CHERP: variants seen among roughly 807,000 people sequenced by gnomAD.
The protein encoded by CHERP is ERPROT 213-21.
Under a neutral mutation model 113.8 loss-of-function variants are expected in CHERP, and 8 were observed. That is an observed-to-expected ratio of 0.07 (90% confidence interval 0.04 to 0.13). The LOEUF is 0.13. Ranked by LOEUF, CHERP falls within the 10% of genes least tolerant of loss-of-function variation. The pLI is 1.00. For missense variants in CHERP, 884 were observed against 1,298.2 expected, an observed-to-expected ratio of 0.68 and a Z score of 4.90; for synonymous variants, 559 against 524.5, an observed-to-expected ratio of 1.07 and a Z score of -0.90.
intron 12 of CHERP, 89 bp from the exon 13 acceptor site, chr19:16,521,001 C>G: frequency 1.8e-6 from 2 of 1,136,850 alleles, no homozygotes; most frequent in South Asian, 2.5e-5. Flanking sequence ...TCCACAGAAC[C>G]TTGGAGAGTA....
At position 16,532,764 on chromosome 19, in the gene CHERP, C is replaced by A; in HGVS notation, c.523-15G>T. The A allele has an allele frequency of 6.2e-7, 1 of 1,600,858 alleles. No homozygotes were observed. Among genetic ancestry groups the A allele is most frequent in the Non-Finnish European group, 8.5e-7 (1 of 1,171,046 alleles). ...TTCTTCCCGGCCTGCAACAACCGAG[C>A]CAATGACGAGTGAGCAGGGCCGCGG... On this transcript the variant is annotated splice_polypyrimidine_tract_variant and intron_variant, in intron 4 of 16. Transcript: ENST00000546361. The surrounding 1 kb of genome is among the most constrained non-coding windows in gnomAD (Gnocchi z 4.4).
chr19:16,520,751 A>G lies in CHERP; in HGVS notation c.2201+75T>C. 7.1e-7 allele frequency: 1 copy of G among 1,408,614 alleles called. No homozygotes were observed. Among genetic ancestry groups the G allele is most frequent in the Non-Finnish European group, 1.0e-6 (1 of 998,356 alleles). The allele number at this position is 1,408,614 out of a possible 1,614,324, so 87.3% of individuals were successfully genotyped here. On this transcript the variant is annotated intron_variant, in intron 13 of 16. Coordinates refer to ENST00000546361, the MANE Select transcript of CHERP (RefSeq NM_006387.6). The surrounding 1 kb of genome is among the most constrained non-coding windows in gnomAD (Gnocchi z 4.0). ...GTGTGAGGGTGGACGTGATGAGTGTATCTGGGGTCTGCTCCCACCCATCAC... is the reference window on the plus strand; with the variant it reads ...GTGTGAGGGTGGACGTGATGAGTGTGTCTGGGGTCTGCTCCCACCCATCAC...
rs568752114 is a variant in CHERP, at chr19:16,530,407, G to A, written c.876+178C>T. On this transcript the variant is annotated intron_variant, in intron 7 of 16. Transcript: ENST00000546361. This position sits in a 1 kb window ranked among gnomAD's most constrained non-coding sequence, Gnocchi z 4.1. ...AGGAAAGTCAGGGAGACACACCTAA[G>A]GCCTGGGAAATGTCACCTGGGACTC... Among the ~76,000 whole-genome samples, 4 of 152,218 alleles carry A rather than the reference G, an allele frequency of 2.6e-5. No homozygotes were observed. Among genetic ancestry groups the A allele is most frequent in the Non-Finnish European group, 4.4e-5 (3 of 68,028 alleles).
Position 16,519,491 on chromosome 19 carries a change from T to C in CHERP, c.2557+130A>G. ...CCGCAGGCCGGCCCTGTCTAGAGGG[T>C]CTGGGTGGAGTCAGAACCGGCCTGA... On this transcript the variant is annotated intron_variant, in intron 16 of 16. Coordinates refer to ENST00000546361, the MANE Select transcript of CHERP (RefSeq NM_006387.6). This position sits in a 1 kb window ranked among gnomAD's most constrained non-coding sequence, Gnocchi z 6.0. The C allele has an allele frequency of 8.0e-7, 1 of 1,251,406 alleles. No homozygotes were observed. The allele number at this position is 1,251,406 out of a possible 1,614,324, so 77.5% of individuals were successfully genotyped here. A position where few individuals can be genotyped will look rare whatever the true frequency, so the allele number is the denominator to read the frequency against.
chr19:16,518,759 T>C lies in CHERP; in HGVS notation c.*400A>G. The C allele has an allele frequency of 4.5e-6, 1 of 222,416 alleles. No individual in the cohort carries two copies. Among genetic ancestry groups the C allele is most frequent in the Non-Finnish European group, 8.9e-6 (1 of 112,792 alleles). The allele number at this position is 222,416 out of a possible 1,614,324, so 13.8% of individuals were successfully genotyped here. A position where few individuals can be genotyped will look rare whatever the true frequency, so the allele number is the denominator to read the frequency against. ...TGGAGGAAGGAGCTGGGGTGCCGGCTCTGGCTCAGGCCAACCCTTCCTGCA... is the reference window on the plus strand; with the variant it reads ...TGGAGGAAGGAGCTGGGGTGCCGGCCCTGGCTCAGGCCAACCCTTCCTGCA... On this transcript the variant is annotated 3_prime_UTR_variant, in exon 17 of 17. Coordinates refer to ENST00000546361, the MANE Select transcript of CHERP (RefSeq NM_006387.6).
At position 16,533,602 on chromosome 19, in the gene CHERP, A is replaced by G. The variant is rs112665367; in HGVS notation, c.385-454T>C. 2.2e-3 allele frequency among the ~76,000 whole-genome samples: 335 copies of G among 152,084 alleles called. 1 individual carries two copies. Among genetic ancestry groups the G allele is most frequent in the African/African-American group, 7.9e-3 (328 of 41,462 alleles). ...CGAAACCTCATCTCTACAAAAAATAAAATACAAATTAGTTGAGCATGGTAG... is the reference window on the plus strand; with the variant it reads ...CGAAACCTCATCTCTACAAAAAATAGAATACAAATTAGTTGAGCATGGTAG... On this transcript the variant is annotated intron_variant, in intron 3 of 16. Transcript: ENST00000546361.
intron 9 of CHERP, among the ~76,000 whole-genome samples, chr19:16,527,844 A>G (rs1003277186): frequency 6.6e-6 from 1 of 152,208 alleles, no homozygotes; most frequent in Non-Finnish European, 1.5e-5. Context: ...GGTGATCTAT[A>G]CTACAGAGAA....
At chr19:16,542,243 C>T (rs950565061) in intron 1 of CHERP, 111 bp downstream of exon 1, 1 of 1,147,766 alleles carries the variant, frequency 8.7e-7, no homozygotes, top group Middle Eastern at 2.6e-4. Flanking sequence ...CAGGCGAAGC[C>T]GCGAGGCCGA....
chr19:16,531,839 G>A (rs2085707110), intron 5 of CHERP: 1 of 152,340 alleles, frequency 6.6e-6, no homozygotes. Context: ...GGGGCGAGAT[G>A]GGTGCTGGCA....
chr19:16,542,265 T>G, intron 1 of CHERP, 89 bp downstream of exon 1: 1 of 1,248,934 alleles, frequency 8.0e-7, no homozygotes, highest in East Asian at 3.1e-5. Context: ...CCCCGCCCCC[T>G]CCCAGACCCG....
intron 9 of CHERP, chr19:16,526,091 C>T (rs2122257601): frequency 5.2e-6 from 1 of 192,318 alleles, no homozygotes; most frequent in Middle Eastern, 2.0e-3. Flanking sequence ...GCGGGGCTCA[C>T]TCTGACACCC....
Position 16,518,508 on chromosome 19 carries a change from G to A in CHERP, c.*651C>T, listed in dbSNP as rs1273805993. The stretch of plus-strand genomic sequence containing the variant: ...CTGAACTAAGGGCCAGTACGCCTTC[G>A]AAGAATTAGGTTTCAGAATCTCACT... On this transcript the variant is annotated 3_prime_UTR_variant, in exon 17 of 17. Transcript: ENST00000546361. 1 of 152,198 alleles carries A rather than the reference G, an allele frequency of 6.6e-6. No individual in the cohort carries two copies. Among genetic ancestry groups the A allele is most frequent in the African/African-American group, 2.4e-5 (1 of 41,436 alleles). 9.4% of individuals were successfully genotyped at this position (152,198 alleles called of 1,614,324 possible).
Position 16,542,358 on chromosome 19 carries a change from G to A in CHERP, c.21C>T (p.Pro7=), listed in dbSNP as rs2085786498. 2 of 1,395,196 alleles carry A rather than the reference G, an allele frequency of 1.4e-6. No homozygotes were observed. The highest frequency in any genetic ancestry group is 1.9e-6 in the Non-Finnish European group (2 of 1,068,384). The allele number at this position is 1,395,196 out of a possible 1,614,324, so 86.4% of individuals were successfully genotyped here. MEMPLP[P]DDQELRNVID... ...CTCGGCCGGTTTGGGTCTCACCATC[G>A]GGGGGCAGCGGCATCTCCATGGCTC... Residue 7 remains proline, a synonymous_variant, in exon 1 of 17, where the codon CCC becomes CCT. Transcript: ENST00000546361.
At chr19:16,522,999 C>A in intron 11 of CHERP, 53 bp downstream of exon 11, 3 of 1,473,082 alleles carry the variant, frequency 2.0e-6, no homozygotes, top group Non-Finnish European at 2.7e-6. Flanking sequence ...CAAGGAGAAA[C>A]GGGGACCAGT....
In CHERP at chr19:16,535,442, G is replaced by A. The variant is rs369863699; in HGVS notation, c.384+10C>T. 1.4e-5 allele frequency: 23 copies of A among 1,605,760 alleles called. No individual in the cohort carries two copies. The highest frequency in any genetic ancestry group is 1.1e-4 in the South Asian group (10 of 89,768). ...GCTGGTGTCTGGCCGAGGAGGCGGC[G>A]GGCCCATACCTGTCTGAGCGCCAGC... On this transcript the variant is annotated intron_variant, in intron 3 of 16. Coordinates refer to ENST00000546361, the MANE Select transcript of CHERP (RefSeq NM_006387.6). This position sits in a 1 kb window ranked among gnomAD's most constrained non-coding sequence, Gnocchi z 4.3.
rs556581081 is a variant in CHERP at position 16,530,642 on chromosome 19, G to A, written c.819C>T (p.Phe273=). 4.3e-5 allele frequency: 70 copies of A among 1,614,062 alleles called. No individual in the cohort carries two copies. The East Asian group carries it at 7.4e-4, about 17-fold the overall frequency. The part of the protein sequence containing the change: ...LLQLWEKNGY[F]DDSIIQQLQS... ...GTAGCTGCTGAATGATGGAGTCATC[G>A]AAGTAGCCGTTTTTCTCCCAGAGCT... The change falls in exon 7 of 17, where the codon TTC becomes TTT. Residue 273 remains phenylalanine, a synonymous_variant. Coordinates refer to ENST00000546361, the MANE Select transcript of CHERP (RefSeq NM_006387.6). The surrounding 1 kb of genome is among the most constrained non-coding windows in gnomAD (Gnocchi z 4.1).
rs1462566557 is a variant in CHERP, at chr19:16,520,552, G to A, written c.2202-45C>T. ...GATCAGGTGCCCCAGTGGATGGGCT[G>A]CACCCAGCCCACCCTGGCCCTCAGG... is the stretch of plus-strand genomic sequence containing the variant. On this transcript the variant is annotated intron_variant, in intron 13 of 16. Transcript: ENST00000546361. The surrounding 1 kb of genome is among the most constrained non-coding windows in gnomAD (Gnocchi z 4.0). 1 of 1,583,996 alleles carries A rather than the reference G, an allele frequency of 6.3e-7. No individual in the cohort carries two copies.
Position 16,525,584 on chromosome 19 carries a change from G to A in CHERP, c.1399C>T (p.Arg467Cys), listed in dbSNP as rs1288312689. 5 of 1,538,558 alleles carry A rather than the reference G, an allele frequency of 3.2e-6. No homozygotes were observed. Among genetic ancestry groups the A allele is most frequent in the South Asian group, 1.2e-5 (1 of 83,850 alleles). ...NSHEGMWGEQ[R>C]GDPGWNGQRD... ...TGGCCGTTCCAGCCGGGGTCACCGC[G>A]CTGCTCGCCCCACATGCCCTCATGG... The change falls in exon 10 of 17, where the codon CGC (arginine) becomes TGC (cysteine). Residue 467 changes from arginine to cysteine, a missense_variant. By Grantham distance (180) the Arg-to-Cys change is radical. Transcript: ENST00000546361. The surrounding 1 kb of genome is among the most constrained non-coding windows in gnomAD (Gnocchi z 6.5).
intron 2 of CHERP, among the ~76,000 whole-genome samples, chr19:16,537,377 C>T (rs555522257): frequency 2.6e-5 from 4 of 152,248 alleles, no homozygotes; most frequent in Non-Finnish European, 4.4e-5. Flanking sequence ...TCTACGCAAC[C>T]GCCGGGCAAC....
Sources: allele counts gnomAD v4.1 joint callset (sites outside exome capture counted in the v4.1 genomes callset), GRCh38; gene constraint gnomAD v4.1.1; non-coding constraint Gnocchi (gnomAD v3.1); transcripts MANE v1.5; gene names NCBI Gene and HGNC (gene_info 2026-07-23, HGNC 2026-07-21).